Variants in SH2D7 observed in about 807,000 individuals in gnomAD.
SH2D7 encodes SH2 domain containing 7.
In SH2D7, 32 loss-of-function variants were observed where a neutral mutation model predicts 40.8. The observed-to-expected ratio is 0.78, with a 90% CI of 0.59 to 1.05. The LOEUF (loss-of-function observed/expected upper bound fraction) is 1.05. Among genes scored for constraint, SH2D7 ranks in the 50% least tolerant of loss-of-function variants. The pLI is 0.00. For missense variants in SH2D7, 559 were observed against 566.6 expected (o/e 0.99, Z 0.14); for synonymous variants, 195 against 221.5 (o/e 0.88, Z 1.06).
At chr15:78,097,819 G>A in intron 2 of SH2D7, 110 bp from the exon 3 acceptor site, 1 of 1,407,334 alleles carries the variant, frequency 7.1e-7, no homozygotes, top group East Asian at 2.4e-5. Flanking sequence ...GTCTGTTCTG[G>A]ATCAAGAGCT....
chr15:78,098,495 G>A lies in SH2D7; in HGVS notation c.544G>A (p.Ala182Thr), dbSNP rs757763039. 1.1e-5 allele frequency: 17 copies of A among 1,613,850 alleles called. No homozygotes were observed. The highest frequency in any genetic ancestry group is 1.6e-4 in the Middle Eastern group (1 of 6,084). Residue 182 changes from alanine to threonine, a missense_variant, in exon 4 of 6, where the codon GCC becomes ACC. Coordinates refer to ENST00000328828, the MANE Select transcript of SH2D7 (RefSeq NM_001101404.2). The stretch of plus-strand genomic sequence containing the variant: ...CCTCACAGTGGTCCCCGACAAGGCC[G>A]CCAGCCCCCGCTCTTCTCCAAAGCC... ...AFLTVVPDKA[A>T]SPRSSPKPQV...
intron 3 of SH2D7, 60 bp from the exon 4 acceptor site, chr15:78,098,324 G>A: frequency 1.3e-6 from 2 of 1,578,330 alleles, no homozygotes; most frequent in South Asian, 2.2e-5. Flanking sequence ...TCTCAGGCAG[G>A]CAGCTGGAGA....
At chr15:78,098,653 C>T (rs1460038838) in intron 4 of SH2D7, 57 bp downstream of exon 4, 3 of 1,553,550 alleles carry the variant, frequency 1.9e-6, no homozygotes, top group East Asian at 4.8e-5. Context: ...GATGTGGGTG[C>T]CATGCTCCCA....
At chr15:78,092,929 T>C (rs569023602) in intron 1 of SH2D7, among the ~76,000 whole-genome samples, 169 bp downstream of exon 1, 1 of 151,958 alleles carries the variant, frequency 6.6e-6, no homozygotes, top group East Asian at 1.9e-4. Context: ...CATCCTCTGG[T>C]GGTGGCTTCT....
chr15:78,097,101 T>C (rs2073976670), intron 2 of SH2D7, among the ~76,000 whole-genome samples: 1 of 152,158 alleles, frequency 6.6e-6, no homozygotes, highest in Non-Finnish European at 1.5e-5. Flanking sequence ...CTCCAAGATA[T>C]AATGTTGAGT....
rs186170055 is a variant in SH2D7, at chr15:78,101,142, C to T, written c.889C>T (p.Pro297Ser). 1.5e-5 allele frequency: 23 copies of T among 1,560,348 alleles called. No homozygotes were observed. The Admixed American group carries it at 3.6e-4, about 24-fold the overall frequency. ...GEQNRPDGLG[P>S]VLSGVSPDQG... ...ACAGAACAGGCCTGATGGCCTGGGG[C>T]CTGTCCTTTCTGGGGTGAGCCCAGA... Residue 297 changes from proline (P) to serine (S), a missense_variant, in exon 5 of 6, where the codon CCT (proline) becomes TCT (serine). Coordinates refer to ENST00000328828, the MANE Select transcript of SH2D7 (RefSeq NM_001101404.2).
chr15:78,094,787 G>C (rs2141869692), intron 2 of SH2D7, among the ~76,000 whole-genome samples: 1 of 152,308 alleles, frequency 6.6e-6, no homozygotes, highest in Middle Eastern at 3.4e-3. Context: ...GGAAGTCAGA[G>C]CTGGAGGTGT....
intron 2 of SH2D7, among the ~76,000 whole-genome samples, chr15:78,094,623 C>T (rs1324407844): frequency 6.6e-6 from 1 of 152,130 alleles, no homozygotes; most frequent in African/African-American, 2.4e-5. Flanking sequence ...CTGGGTGCAG[C>T]AGAACACTTG....
At chr15:78,097,725 C>T (rs1292844360) in intron 2 of SH2D7, among the ~76,000 whole-genome samples, 1 of 152,104 alleles carries the variant, frequency 6.6e-6, no homozygotes, top group Non-Finnish European at 1.5e-5. Flanking sequence ...GATCCCAGGG[C>T]TCCACGGTTT....
chr15:78,092,361 AG>A (rs1434916364), upstream of SH2D7, among the ~76,000 whole-genome samples: 6 of 152,276 alleles, frequency 3.9e-5, 1 homozygote, highest in South Asian at 1.2e-3. Context: ...TACCCCTCTC[AG>A]GCTGCTACGG....
At chr15:78,095,471 A>G (rs1248489864) in intron 2 of SH2D7, among the ~76,000 whole-genome samples, 1 of 152,262 alleles carries the variant, frequency 6.6e-6, no homozygotes, top group Non-Finnish European at 1.5e-5. Context: ...TTAACAGAAT[A>G]GAGTCCCAAA....
intron 5 of SH2D7, among the ~76,000 whole-genome samples, chr15:78,102,114 G>A (rs190858259): frequency 2.0e-5 from 3 of 152,130 alleles, no homozygotes; most frequent in East Asian, 1.9e-4. Flanking sequence ...ATTGCCAGGC[G>A]TGGTGGCCTG....
chr15:78,093,468 G>A (rs11635115), intron 1 of SH2D7, among the ~76,000 whole-genome samples: 32,170 of 152,196 alleles, frequency 0.21, 4,008 homozygotes, highest in Non-Finnish European at 0.29. Flanking sequence ...ACAGGCGCTC[G>A]GTATTTGGTG....
chr15:78,102,241 T>C (rs2074022929), intron 5 of SH2D7, among the ~76,000 whole-genome samples: 1 of 152,192 alleles, frequency 6.6e-6, no homozygotes, highest in South Asian at 2.1e-4. Flanking sequence ...AGTGAGACCC[T>C]GTTTAAAAAA....
chr15:78,095,886 T>A (rs2073968734), intron 2 of SH2D7, among the ~76,000 whole-genome samples: 4 of 152,194 alleles, frequency 2.6e-5, no homozygotes, highest in African/African-American at 7.2e-5. Flanking sequence ...TCTCTCGCTC[T>A]GGCTGGAGTG....
rs2074034115 is a variant in SH2D7 at position 78,104,116 on chromosome 15, T to G, written c.*601T>G. On this transcript the variant is annotated 3_prime_UTR_variant, in exon 6 of 6. Transcript: ENST00000328828. The surrounding 1 kb of genome is among the most constrained non-coding windows in gnomAD (Gnocchi z 4.4). The stretch of plus-strand genomic sequence containing the variant: ...GGAAACTTCCTGTTTTGTGTGTCAC[T>G]TCCCTTCCTATCCACATGTCCCCTT... The G allele has an allele frequency of 6.6e-6, 1 of 152,472 alleles. No homozygotes were observed. The highest frequency in any genetic ancestry group is 1.5e-5 in the Non-Finnish European group (1 of 68,280). The allele number at this position is 152,472 out of a possible 1,614,324, so 9.4% of individuals were successfully genotyped here. A position where few individuals can be genotyped will look rare whatever the true frequency, so the allele number is the denominator to read the frequency against.
Position 78,100,929 on chromosome 15 carries a change from A to G in SH2D7, c.676A>G (p.Lys226Glu). The G allele has an allele frequency of 6.2e-7, 1 of 1,613,792 alleles. No homozygotes were observed. Among genetic ancestry groups the G allele is most frequent in the South Asian group, 1.1e-5 (1 of 91,084 alleles). ...CATCAGAGTGTCTCCACTCCCTGAG[A>G]AGAGTTCCTCCCTCCTGGAAGAGTC... ...APIRVSPLPE[K>E]SSSLLEESFG... is the part of the protein sequence containing the mutation. The change falls in exon 5 of 6, where the codon AAG becomes GAG. Residue 226 changes from lysine to glutamate, a missense_variant. Transcript: ENST00000328828.
Position 78,098,519 on chromosome 15 carries a change from C to A in SH2D7, c.568C>A (p.Pro190Thr), listed in dbSNP as rs1567044184. 2 of 1,614,014 alleles carry A rather than the reference C, an allele frequency of 1.2e-6. No individual in the cohort carries two copies. Among genetic ancestry groups the A allele is most frequent in the Non-Finnish European group, 1.7e-6 (2 of 1,179,872 alleles). Residue 190 changes from proline to threonine, a missense_variant, in exon 4 of 6, where the codon CCC becomes ACC. Transcript: ENST00000328828. ...CGCCAGCCCCCGCTCTTCTCCAAAG[C>A]CCCAGGTCTCCTTCCTCCATGCACA... ...KAASPRSSPK[P>T]QVSFLHAQKS...
chr15:78,100,264 C>A (rs1237534548), intron 4 of SH2D7, among the ~76,000 whole-genome samples: 1 of 152,168 alleles, frequency 6.6e-6, no homozygotes, highest in African/African-American at 2.4e-5. Flanking sequence ...TGGAGATGGG[C>A]CATTCTGAAG....
Sources: gnomAD v4.1 joint callset for allele counts (sites outside exome capture counted in the v4.1 genomes callset) on GRCh38, gnomAD v4.1.1 for gene constraint, Gnocchi (gnomAD v3.1) non-coding constraint, MANE v1.5 for transcripts, NCBI Gene and HGNC (gene_info 2026-07-23, HGNC 2026-07-21) for gene names.